The following EPHB1 variants were observed in gnomAD, a reference collection of about 807,000 sequenced individuals.
EPHB1 encodes EPH receptor B1.
In EPHB1, 30 loss-of-function variants were observed where a neutral mutation model predicts 94.4. The ratio of observed to expected loss-of-function variants is 0.32; its 90% CI spans 0.24 to 0.43. EPHB1 has a LOEUF of 0.43. EPHB1 is among the 20% of genes least tolerant of loss of function. The pLI is 1.00. For synonymous variants in EPHB1, 522 were observed against 489.1 expected (o/e 1.07, Z -0.89); for missense variants, 1,055 against 1,308.3 (o/e 0.81, Z 2.99).
At chr3:135,100,100 G>T (rs1260564036) in intron 3 of EPHB1, among the ~76,000 whole-genome samples, 6 of 152,146 alleles carry the variant, frequency 3.9e-5, no homozygotes, top group Non-Finnish European at 8.8e-5. Context: ...GAAGTAATCA[G>T]ATTATTAAAA....
chr3:134,867,810 G>A (rs879348460), intron 1 of EPHB1, among the ~76,000 whole-genome samples: 4 of 152,182 alleles, frequency 2.6e-5, no homozygotes, highest in Non-Finnish European at 5.9e-5. Flanking sequence ...GAGTAGATTG[G>A]CCTCCCAGGT....
rs117746017 is a variant in EPHB1 at position 135,073,911 on chromosome 3, A to T, written c.806-32537A>T. Among the ~76,000 whole-genome samples the T allele has an allele frequency of 6.3e-4, 96 of 152,250 alleles. 2 individuals are homozygous for T. In the East Asian group the frequency reaches 0.017, roughly 27 times the overall value. ...GTCCTCTGCAATTTCTGTAAATGGG[A>T]AGTAAAAAAGTTTGATAAGATTCAG... On this transcript the variant is annotated intron_variant, in intron 3 of 15. Coordinates refer to ENST00000398015, the MANE Select transcript of EPHB1 (RefSeq NM_004441.5).
At chr3:135,141,211 T>TG (rs1402705739) in intron 5 of EPHB1, among the ~76,000 whole-genome samples, 1 of 151,448 alleles carries the variant, frequency 6.6e-6, no homozygotes, top group East Asian at 1.9e-4. Context: ...CAGAACAGCT[T>TG]GGGGGAACAA....
chr3:135,254,448 CT>C (rs1933276312), intron 15 of EPHB1, among the ~76,000 whole-genome samples: 1 of 134,360 alleles, frequency 7.4e-6, no homozygotes, highest in African/African-American at 2.8e-5. Flanking sequence ...TGTCAAAGGC[CT>C]TTTCTGCATC....
chr3:135,259,316 C>A lies in EPHB1; in HGVS notation c.*196C>A. On this transcript the variant is annotated 3_prime_UTR_variant, in exon 16 of 16. Coordinates refer to ENST00000398015, the MANE Select transcript of EPHB1 (RefSeq NM_004441.5). ...AGTGACAGAAGCATGTTTGAGATGC[C>A]GTGGGAAACCAAATATATAATAATA... The A allele has an allele frequency of 4.6e-6, 2 of 436,282 alleles. No individual in the cohort carries two copies. Among genetic ancestry groups the A allele is most frequent in the Non-Finnish European group, 4.1e-6 (1 of 244,468 alleles). The allele number at this position is 436,282 out of a possible 1,614,324, so 27.0% of individuals were successfully genotyped here.
intron 13 of EPHB1, among the ~76,000 whole-genome samples, chr3:135,248,063 T>C (rs567682684): frequency 8.1e-4 from 124 of 152,320 alleles, no homozygotes; most frequent in African/African-American, 2.7e-3. Flanking sequence ...GAGGTCCATG[T>C]GTGTCAGGCC....
intron 3 of EPHB1, among the ~76,000 whole-genome samples, chr3:135,088,961 A>G (rs1424365531): frequency 6.6e-6 from 1 of 152,226 alleles, no homozygotes; most frequent in African/African-American, 2.4e-5. Flanking sequence ...TTTCTATCTC[A>G]TTCAATCATC....
chr3:135,023,876 C>A (rs1018339119), intron 3 of EPHB1, among the ~76,000 whole-genome samples: 1 of 152,154 alleles, frequency 6.6e-6, no homozygotes, highest in African/African-American at 2.4e-5. Context: ...TCACCCTGTG[C>A]ATGTTTATAC....
chr3:135,122,156 C>T (rs1367649407), intron 4 of EPHB1, among the ~76,000 whole-genome samples: 2 of 152,102 alleles, frequency 1.3e-5, no homozygotes, highest in African/African-American at 2.4e-5. Context: ...TTTTCATAAA[C>T]CCACATACAC....
intron 12 of EPHB1, among the ~76,000 whole-genome samples, chr3:135,205,235 G>T (rs537987547): frequency 6.6e-6 from 1 of 152,214 alleles, no homozygotes; most frequent in African/African-American, 2.4e-5. Flanking sequence ...TTCACATGGT[G>T]CAGGGATTTG....
intron 1 of EPHB1, among the ~76,000 whole-genome samples, chr3:134,888,047 A>G (rs892875401): frequency 3.3e-5 from 5 of 152,172 alleles, no homozygotes; most frequent in African/African-American, 1.2e-4. Context: ...GTCAGTGTGT[A>G]TGGAAGGCTC....
At chr3:135,097,949 C>T (rs1196139695) in intron 3 of EPHB1, among the ~76,000 whole-genome samples, 1 of 152,198 alleles carries the variant, frequency 6.6e-6, no homozygotes. Context: ...TTTCCCTTTG[C>T]CTCATCCTCC....
At chr3:135,194,776 A>G (rs1033641304) in intron 11 of EPHB1, among the ~76,000 whole-genome samples, 6 of 152,188 alleles carry the variant, frequency 3.9e-5, no homozygotes, top group African/African-American at 1.4e-4. Context: ...TACTTTCCCT[A>G]GGACAGCCTC....
chr3:135,011,977 A>G (rs1029928272), intron 3 of EPHB1, among the ~76,000 whole-genome samples: 1 of 152,090 alleles, frequency 6.6e-6, no homozygotes, highest in African/African-American at 2.4e-5. Context: ...TTTTTACTGG[A>G]TAAAGCAATA....
chr3:135,236,555 T>C (rs1177514457), intron 12 of EPHB1, among the ~76,000 whole-genome samples: 2 of 152,220 alleles, frequency 1.3e-5, no homozygotes, highest in Admixed American at 1.3e-4. Context: ...TCTATCGTGT[T>C]GGACTTTCAC....
chr3:134,805,087 G>A (rs932136258), intron 1 of EPHB1, among the ~76,000 whole-genome samples: 2 of 152,206 alleles, frequency 1.3e-5, no homozygotes, highest in Admixed American at 1.3e-4. Flanking sequence ...CATTGACGCT[G>A]AGGCTGAAGC....
At chr3:135,249,591 G>A in intron 15 of EPHB1, 100 bp downstream of exon 15, 1 of 1,376,694 alleles carries the variant, frequency 7.3e-7, no homozygotes, top group Non-Finnish European at 1.0e-6. Flanking sequence ...CCTCATCCCT[G>A]GAGCTCCGTC....
chr3:134,825,300 G>A lies in EPHB1; in HGVS notation c.58+29611G>A, dbSNP rs530959044. On this transcript the variant is annotated intron_variant, in intron 1 of 15. Transcript: ENST00000398015. ...CTTGGCAGTTGGTCTTCAGTTTGGCGACATAAATGTCAATCAGGCCAGGTC... is the reference window on the plus strand; with the variant it reads ...CTTGGCAGTTGGTCTTCAGTTTGGCAACATAAATGTCAATCAGGCCAGGTC... Among the ~76,000 whole-genome samples, 20 of 152,330 alleles carry A rather than the reference G, an allele frequency of 1.3e-4. 1 individual carries two copies. Among genetic ancestry groups the A allele is most frequent in the Non-Finnish European group, 1.9e-4 (13 of 68,036 alleles).
rs1406183432 is a variant in EPHB1 at position 135,249,429 on chromosome 3, C to T, written c.2784C>T (p.Tyr928=). 6.2e-7 allele frequency: 1 copy of T among 1,614,046 alleles called. No homozygotes were observed. The highest frequency in any genetic ancestry group is 8.5e-7 in the Non-Finnish European group (1 of 1,179,898). ...TCAGCGCCATCAAAATGGTCCAGTA[C>T]AGGGACAGCTTCCTCACTGCTGGCT... ...DWLSAIKMVQ[Y]RDSFLTAGFT... The change falls in exon 15 of 16, where the codon TAC becomes TAT. Residue 928 remains tyrosine, a synonymous_variant. Transcript: ENST00000398015.
Sources: allele counts gnomAD v4.1 joint callset (sites outside exome capture counted in the v4.1 genomes callset), GRCh38; gene constraint gnomAD v4.1.1; transcripts MANE v1.5; gene names NCBI Gene and HGNC (gene_info 2026-07-23, HGNC 2026-07-21).